Variants in DYM observed in about 807,000 individuals in gnomAD.
The protein encoded by DYM is dymeclin, also known as dyggve-Melchior-Clausen syndrome protein.
Under a neutral mutation model 93.1 loss-of-function variants are expected in DYM, and 78 were observed. The observed-to-expected ratio is 0.84, with a 90% CI of 0.70 to 1.01. The LOEUF is 1.01. DYM is among the 50% of genes least tolerant of loss of function. DYM has a pLI of 0.00. For missense variants in DYM, 789 were observed against 845.0 expected (o/e 0.93, Z 0.82); for synonymous variants, 321 against 319.7 (o/e 1.00, Z -0.04).
intron 2 of DYM, among the ~76,000 whole-genome samples, chr18:49,401,671 C>T (rs546821573): frequency 4.3e-4 from 65 of 152,030 alleles, no homozygotes; most frequent in Admixed American, 1.2e-3. Flanking sequence ...ATCTGAAACA[C>T]GGTTAAGAAA....
chr18:49,044,852 T>A (rs1416088949), intron 17 of DYM, among the ~76,000 whole-genome samples: 1 of 152,274 alleles, frequency 6.6e-6, no homozygotes, highest in Non-Finnish European at 1.5e-5. Flanking sequence ...TAGGCCTGGC[T>A]CTACAAACAC....
intron 17 of DYM, among the ~76,000 whole-genome samples, chr18:49,083,178 C>G (rs1032955404): frequency 6.6e-6 from 1 of 152,136 alleles, no homozygotes; most frequent in Non-Finnish European, 1.5e-5. Context: ...TAGCTGTGTT[C>G]CAAGAAAACT....
chr18:49,258,860 A>AGG (rs2094442614), intron 11 of DYM, among the ~76,000 whole-genome samples: 1 of 104,568 alleles, frequency 9.6e-6, no homozygotes, highest in African/African-American at 3.7e-5. Flanking sequence ...AGAGAGAGAG[A>AGG]GAGAGAGAGA....
intron 15 of DYM, among the ~76,000 whole-genome samples, chr18:49,121,096 G>A (rs2082337253): frequency 6.6e-6 from 1 of 152,170 alleles, no homozygotes; most frequent in Non-Finnish European, 1.5e-5. Flanking sequence ...ATGACACAGA[G>A]ATAAAACATT....
chr18:49,168,037 G>C (rs755302329), intron 14 of DYM, among the ~76,000 whole-genome samples: 1 of 152,048 alleles, frequency 6.6e-6, no homozygotes, highest in Non-Finnish European at 1.5e-5. Context: ...GGAATCCTTA[G>C]AAAATATGAA....
chr18:49,439,497 G>C (rs566619079), intron 1 of DYM, among the ~76,000 whole-genome samples: 134 of 152,234 alleles, frequency 8.8e-4, no homozygotes, highest in African/African-American at 3.1e-3. Flanking sequence ...ATTCCTGAGA[G>C]GCATGAATCA....
At chr18:49,355,251 GTATAGATATCAATAGA>G (rs1040729393) in intron 6 of DYM, among the ~76,000 whole-genome samples, 26 of 151,746 alleles carry the variant, frequency 1.7e-4, no homozygotes, top group Admixed American at 1.3e-4. Context: ...ATCTATCAAT[GTATAGATATCAATAGA>G]TATAGATATC....
At chr18:49,100,840 G>C (rs1374023440) in intron 16 of DYM, among the ~76,000 whole-genome samples, 1 of 152,212 alleles carries the variant, frequency 6.6e-6, no homozygotes, top group Non-Finnish European at 1.5e-5. Flanking sequence ...AGTGGGAGGA[G>C]TAGGACTCCA....
intron 13 of DYM, among the ~76,000 whole-genome samples, chr18:49,248,848 A>T (rs2094224339): frequency 6.6e-6 from 1 of 152,204 alleles, no homozygotes; most frequent in African/African-American, 2.4e-5. Context: ...GATAATTTCC[A>T]CATACCATGT....
intron 13 of DYM, among the ~76,000 whole-genome samples, chr18:49,248,685 G>A (rs186929956): frequency 2.0e-3 from 302 of 151,466 alleles, no homozygotes; most frequent in African/African-American, 6.2e-3. Context: ...AATGGCATTC[G>A]TCTGCAATAA....
At chr18:49,408,787 T>C (rs2071830989) in intron 2 of DYM, among the ~76,000 whole-genome samples, 1 of 152,146 alleles carries the variant, frequency 6.6e-6, no homozygotes, top group Non-Finnish European at 1.5e-5. Flanking sequence ...TGACCTAAAT[T>C]CTTTAGCTGT....
At chr18:49,254,609 CAG>C (rs1301530474) in intron 13 of DYM, among the ~76,000 whole-genome samples, 1 of 152,100 alleles carries the variant, frequency 6.6e-6, no homozygotes. Context: ...AACTTGGACA[CAG>C]TGTTTTTATA....
chr18:49,061,405 G>A (rs761910590), intron 17 of DYM, among the ~76,000 whole-genome samples: 3 of 152,282 alleles, frequency 2.0e-5, no homozygotes, highest in Admixed American at 6.5e-5. Context: ...CGGACCAGCC[G>A]GTGTGTTTGA....
intron 14 of DYM, among the ~76,000 whole-genome samples, chr18:49,203,223 A>T (rs1272946305): frequency 2.5e-5 from 1 of 40,694 alleles, no homozygotes; most frequent in East Asian, 5.1e-4. Flanking sequence ...TCTGGGAGGG[A>T]GGTGGGGGGG....
At chr18:49,209,303 G>A (rs1046281720) in intron 14 of DYM, among the ~76,000 whole-genome samples, 1 of 152,100 alleles carries the variant, frequency 6.6e-6, no homozygotes. Flanking sequence ...AATAGTTCTG[G>A]CAAGTTTATA....
chr18:49,091,418 C>T (rs2079039648), intron 17 of DYM, among the ~76,000 whole-genome samples: 1 of 152,074 alleles, frequency 6.6e-6, no homozygotes, highest in South Asian at 2.1e-4. Flanking sequence ...TTCATTTGCT[C>T]ATGAGAGTAA....
In DYM at chr18:49,068,853, C is replaced by T. The variant is rs1282949825; in HGVS notation, c.2026-24649G>A. 7.9e-5 allele frequency among the ~76,000 whole-genome samples: 12 copies of T among 152,242 alleles called. No homozygotes were observed. The South Asian group carries it at 1.4e-3, about 18-fold the overall frequency. On this transcript the variant is annotated intron_variant, in intron 17 of 17. Transcript: ENST00000675505. ...ACTGGAAAGTGTCACTTATGGGATT[C>T]GGAATCAGGGTCAATTCTAAATAGT...
At chr18:49,288,432 A>C (rs2059805014) in intron 8 of DYM, among the ~76,000 whole-genome samples, 1 of 152,170 alleles carries the variant, frequency 6.6e-6, no homozygotes, top group Non-Finnish European at 1.5e-5. Flanking sequence ...ATGAGATCTG[A>C]ATTAATGTAA....
At chr18:49,253,561 C>T (rs905393944) in intron 13 of DYM, among the ~76,000 whole-genome samples, 2 of 152,146 alleles carry the variant, frequency 1.3e-5, no homozygotes, top group African/African-American at 4.8e-5. Context: ...AAAGAAGACT[C>T]TGATCCAGTA....
Sources: gnomAD v4.1 joint callset for allele counts (sites outside exome capture counted in the v4.1 genomes callset) on GRCh38, gnomAD v4.1.1 for gene constraint, MANE v1.5 for transcripts, NCBI Gene and HGNC (gene_info 2026-07-23, HGNC 2026-07-21) for gene names.